RELN: variants seen among roughly 807,000 people sequenced by gnomAD.
The protein encoded by RELN is reelin.
A neutral mutation model predicts 427.6 loss-of-function variants in RELN; 108 were observed. The ratio of observed to expected loss-of-function variants is 0.25; its 90% CI spans 0.22 to 0.30. The LOEUF is 0.30. Among genes scored for constraint, RELN ranks in the 10% least tolerant of loss-of-function variants. The pLI, the probability that RELN is intolerant of heterozygous loss-of-function variation, is 1.00. For missense variants in RELN, 3,715 were observed against 4,302.8 expected (o/e 0.86, Z 3.82); for synonymous variants, 1,524 against 1,513.4 (o/e 1.01, Z -0.16).
At chr7:103,570,829 A>G (rs1830866389) in intron 31 of RELN, among the ~76,000 whole-genome samples, 1 of 152,314 alleles carries the variant, frequency 6.6e-6, no homozygotes, top group South Asian at 2.1e-4. Flanking sequence ...ACTGATATTT[A>G]GAGGTTTATT....
chr7:103,720,092 A>G (rs1034103051), intron 8 of RELN, among the ~76,000 whole-genome samples: 10 of 151,722 alleles, frequency 6.6e-5, no homozygotes, highest in African/African-American at 2.4e-4. Context: ...CATGTATAAT[A>G]TATATAATTA....
intron 12 of RELN, among the ~76,000 whole-genome samples, chr7:103,658,448 T>C (rs1833068886): frequency 6.6e-6 from 1 of 152,108 alleles, no homozygotes; most frequent in South Asian, 2.1e-4. Flanking sequence ...TTTAAAGTGT[T>C]TTCTATAGGT....
chr7:103,588,210 C>G (rs1358134467), intron 28 of RELN, among the ~76,000 whole-genome samples: 1 of 152,120 alleles, frequency 6.6e-6, no homozygotes, highest in Non-Finnish European at 1.5e-5. Flanking sequence ...GAAATCATGT[C>G]ATTTGCAGCA....
chr7:103,973,881 G>A (rs756054280), intron 1 of RELN, among the ~76,000 whole-genome samples: 7 of 152,178 alleles, frequency 4.6e-5, no homozygotes, highest in South Asian at 2.1e-4. Context: ...GGTGGCTCAC[G>A]CCTATAATCC....
intron 13 of RELN, among the ~76,000 whole-genome samples, chr7:103,652,986 C>T (rs1460449705): frequency 1.3e-5 from 2 of 151,950 alleles, no homozygotes; most frequent in East Asian, 1.9e-4. Flanking sequence ...GGGGTCTCTG[C>T]GTGTGTTTGA....
At chr7:103,624,416 T>C (rs1239626268) in intron 20 of RELN, among the ~76,000 whole-genome samples, 2 of 152,046 alleles carry the variant, frequency 1.3e-5, no homozygotes, top group African/African-American at 4.8e-5. Flanking sequence ...TACCCTTTTT[T>C]CCTCATGTCC....
intron 1 of RELN, among the ~76,000 whole-genome samples, chr7:103,964,046 C>T (rs1372286890): frequency 6.6e-6 from 1 of 152,036 alleles, no homozygotes; most frequent in Non-Finnish European, 1.5e-5. Flanking sequence ...GTAGTCCCAG[C>T]TACATGAGAG....
chr7:103,696,776 C>T (rs1328354623), intron 10 of RELN, among the ~76,000 whole-genome samples: 1 of 152,054 alleles, frequency 6.6e-6, no homozygotes. Flanking sequence ...CTTTTTCTTC[C>T]TTCCGTTCAG....
intron 28 of RELN, among the ~76,000 whole-genome samples, chr7:103,589,167 T>C (rs866982748): frequency 6.6e-6 from 1 of 152,238 alleles, no homozygotes; most frequent in Non-Finnish European, 1.5e-5. Flanking sequence ...ACTGAGGTTT[T>C]TGATCAACCT....
rs1310211584 is a variant in RELN at position 103,486,266 on chromosome 7, T to C, written c.9914A>G (p.Asp3305Gly). The change falls in exon 61 of 65, where the codon GAC becomes GGC. Residue 3305 changes from aspartate to glycine, a missense_variant. By Grantham distance (94) the Asp-to-Gly change is moderately conservative. Transcript: ENST00000428762. ...CTGACAGCCATTAAAGTACAGTGAG[T>C]CTCCATGGGCGTAGGGGGCCAGCTG... ...CGQLAPYAHG[D>G]SLYFNGCQIR... 1 of 1,613,992 alleles carries C rather than the reference T, an allele frequency of 6.2e-7. No homozygotes were observed. The highest frequency in any genetic ancestry group is 8.5e-7 in the Non-Finnish European group (1 of 1,179,996).
chr7:103,777,705 C>A (rs2116216424), intron 3 of RELN, among the ~76,000 whole-genome samples: 1 of 152,254 alleles, frequency 6.6e-6, no homozygotes, highest in South Asian at 2.1e-4. Flanking sequence ...ATGCACCTTT[C>A]CCCTCCCTTC....
intron 28 of RELN, among the ~76,000 whole-genome samples, chr7:103,579,381 T>G (rs1179337949): frequency 6.6e-6 from 1 of 152,100 alleles, no homozygotes; most frequent in Non-Finnish European, 1.5e-5. Flanking sequence ...GGTGGATCAC[T>G]TAGTGTTACG....
intron 1 of RELN, among the ~76,000 whole-genome samples, chr7:103,969,286 G>C (rs1037695119): frequency 2.9e-4 from 44 of 152,236 alleles, no homozygotes; most frequent in African/African-American, 8.2e-4. Flanking sequence ...GGCCCATTCT[G>C]GTTTGTATAC....
chr7:103,561,982 AC>A, intron 34 of RELN, 29 bp from the exon 35 acceptor site: 1 of 1,573,752 alleles, frequency 6.4e-7, no homozygotes, highest in Non-Finnish European at 8.7e-7. Context: ...AAAAAAACAC[AC>A]CACTGGTTTG....
At position 103,989,006 on chromosome 7, in the gene RELN, A is replaced by G; in HGVS notation, c.226+125T>C. 2 of 837,108 alleles carry G rather than the reference A, an allele frequency of 2.4e-6. No homozygotes were observed. Among genetic ancestry groups the G allele is most frequent in the Non-Finnish European group, 2.0e-6 (1 of 503,172 alleles). 51.9% of individuals were successfully genotyped at this position (837,108 alleles called of 1,614,324 possible). A position where few individuals can be genotyped will look rare whatever the true frequency, so the allele number is the denominator to read the frequency against. Reference sequence around the variant, plus strand: ...TATTCTCGCTCCCTGGACCAAGCGCATCGCTGGGGCCAGGGTTGTCATGGT... The same window carrying G: ...TATTCTCGCTCCCTGGACCAAGCGCGTCGCTGGGGCCAGGGTTGTCATGGT... On this transcript the variant is annotated intron_variant, in intron 1 of 64. Transcript: ENST00000428762. The surrounding 1 kb of genome is among the most constrained non-coding windows in gnomAD (Gnocchi z 4.9).
In RELN at chr7:103,574,234, T is replaced by G. The variant is rs890007891; in HGVS notation, c.4369A>C (p.Lys1457Gln). 17 of 1,613,998 alleles carry G rather than the reference T, an allele frequency of 1.1e-5. No individual in the cohort carries two copies. The highest frequency in any genetic ancestry group is 1.7e-5 in the Admixed American group (1 of 60,000). The change falls in exon 30 of 65, where the codon AAG (lysine) becomes CAG (glutamine). Residue 1457 changes from lysine to glutamine, a missense_variant. Physicochemically the swap from Lys to Gln is moderately conservative, Grantham distance 53. Coordinates refer to ENST00000428762, the MANE Select transcript of RELN (RefSeq NM_005045.4). ...ATCTTGTACCACAGAGGGCTGAGCT[T>G]CCCCTCAAACCTATCGAACATCTCA... The part of the protein sequence containing the change: ...HNEMFDRFEG[K>Q]LSPLWYKITG...
intron 2 of RELN, among the ~76,000 whole-genome samples, chr7:103,871,141 G>C (rs1387153600): frequency 6.6e-6 from 1 of 151,990 alleles, no homozygotes; most frequent in Non-Finnish European, 1.5e-5. Flanking sequence ...GGTACCAGTT[G>C]GCTAAAAAGG....
At chr7:103,510,429 T>G (rs983141328) in intron 51 of RELN, among the ~76,000 whole-genome samples, 1 of 151,678 alleles carries the variant, frequency 6.6e-6, no homozygotes, top group Non-Finnish European at 1.5e-5. Flanking sequence ...TAGGTGGGAG[T>G]TGAACAATGA....
chr7:103,938,918 A>G (rs1796047092), intron 1 of RELN, among the ~76,000 whole-genome samples: 1 of 152,158 alleles, frequency 6.6e-6, no homozygotes, highest in East Asian at 1.9e-4. Context: ...GAGCTAAAAA[A>G]GTCATTCTCC....
Sources: gnomAD v4.1 joint callset for allele counts (sites outside exome capture counted in the v4.1 genomes callset) on GRCh38, gnomAD v4.1.1 for gene constraint, Gnocchi (gnomAD v3.1) non-coding constraint, MANE v1.5 for transcripts, NCBI Gene and HGNC (gene_info 2026-07-23, HGNC 2026-07-21) for gene names.